PRKN: variants seen among roughly 807,000 people sequenced by gnomAD.
The protein encoded by PRKN is E3 ubiquitin-protein ligase parkin.
PRKN carries 56 observed loss-of-function variants against 59.5 expected under a neutral mutation model. The ratio of observed to expected loss-of-function variants is 0.94; its 90% CI spans 0.76 to 1.18. The LOEUF (loss-of-function observed/expected upper bound fraction) is 1.18. PRKN is among the 50% of genes most tolerant of loss of function. The pLI, the probability that PRKN is intolerant of heterozygous loss-of-function variation, is 0.00. For missense variants in PRKN, 657 were observed against 596.4 expected, an observed-to-expected ratio of 1.10 and a Z score of -1.06; for synonymous variants, 250 against 222.1, an observed-to-expected ratio of 1.13 and a Z score of -1.12.
At position 162,511,361 on chromosome 6, in the gene PRKN, G is replaced by A. The variant is rs569911770; in HGVS notation, c.8-67888C>T. On this transcript the variant is annotated intron_variant, in intron 1 of 11. Transcript: ENST00000366898. ...ATTCTAGATGTACATGTACCATATT[G>A]CCTTAAAGTGCAGTTTGTTTTACCT... is the stretch of plus-strand genomic sequence containing the variant. 1.7e-4 allele frequency among the ~76,000 whole-genome samples: 26 copies of A among 151,964 alleles called. No homozygotes were observed. In the South Asian group the frequency reaches 5.2e-3, roughly 30 times the overall value.
chr6:161,773,114 G>A (rs547370480), intron 7 of PRKN, among the ~76,000 whole-genome samples: 9 of 152,296 alleles, frequency 5.9e-5, no homozygotes, highest in South Asian at 2.1e-4. Context: ...GAGATCACAC[G>A]GAGGCTTCTG....
At chr6:161,477,378 G>A (rs1445371195) in intron 9 of PRKN, among the ~76,000 whole-genome samples, 3 of 151,964 alleles carry the variant, frequency 2.0e-5, no homozygotes, top group Admixed American at 6.6e-5. Context: ...TTATCCAGGC[G>A]TGGTGGCACA....
chr6:161,802,889 G>C (rs1791149595), intron 6 of PRKN, among the ~76,000 whole-genome samples: 1 of 152,076 alleles, frequency 6.6e-6, no homozygotes, highest in Admixed American at 6.5e-5. Context: ...TTGTAGGGTG[G>C]CTGAATATGT....
At chr6:162,667,705 G>C (rs549509884) in intron 1 of PRKN, among the ~76,000 whole-genome samples, 1 of 152,178 alleles carries the variant, frequency 6.6e-6, no homozygotes, top group East Asian at 1.9e-4. Flanking sequence ...ACAGGGCATA[G>C]TAAAGAACAT....
chr6:162,243,730 C>A (rs1216381401), intron 3 of PRKN, among the ~76,000 whole-genome samples: 1 of 152,050 alleles, frequency 6.6e-6, no homozygotes, highest in Non-Finnish European at 1.5e-5. Flanking sequence ...TTTTGACTAG[C>A]ATCAAATCCC....
intron 2 of PRKN, among the ~76,000 whole-genome samples, chr6:162,351,054 G>T (rs1299810736): frequency 6.6e-6 from 1 of 152,016 alleles, no homozygotes; most frequent in African/African-American, 2.4e-5. Flanking sequence ...TCCAAGCAAG[G>T]TGGCATGTGC....
rs182329346 is a variant in PRKN at position 162,311,837 on chromosome 6, A to G, written c.172-49072T>C. On this transcript the variant is annotated intron_variant, in intron 2 of 11. Coordinates refer to ENST00000366898, the MANE Select transcript of PRKN (RefSeq NM_004562.3). ...CCATTTATTTTCTATTCTTTGAGAC[A>G]ATTATTCCTCATGTTCCAATATTCT... Among the ~76,000 whole-genome samples, 42 of 151,916 alleles carry G rather than the reference A, an allele frequency of 2.8e-4. 1 individual carries two copies. Among genetic ancestry groups the G allele is most frequent in the African/African-American group, 9.2e-4 (38 of 41,346 alleles).
intron 2 of PRKN, among the ~76,000 whole-genome samples, chr6:162,395,311 G>A (rs1787421011): frequency 6.6e-6 from 1 of 152,160 alleles, no homozygotes; most frequent in South Asian, 2.1e-4. Context: ...GCTCATCCAG[G>A]GGAAGCCAGC....
At chr6:162,623,189 G>A (rs1782748133) in intron 1 of PRKN, among the ~76,000 whole-genome samples, 4 of 151,966 alleles carry the variant, frequency 2.6e-5, no homozygotes, top group Non-Finnish European at 5.9e-5. Flanking sequence ...GAATTCACTC[G>A]GTTTTATTTT....
intron 1 of PRKN, among the ~76,000 whole-genome samples, chr6:162,551,465 C>T (rs980088534): frequency 5.3e-5 from 8 of 152,206 alleles, no homozygotes. Context: ...GAATTGTTGT[C>T]AGTCTTCCTG....
At chr6:162,484,385 G>A (rs1012822969) in intron 1 of PRKN, among the ~76,000 whole-genome samples, 2 of 152,176 alleles carry the variant, frequency 1.3e-5, no homozygotes, top group Non-Finnish European at 2.9e-5. Flanking sequence ...GACAGACCCT[G>A]CATACATGCT....
At chr6:161,974,683 A>C (rs1036456744) in intron 5 of PRKN, among the ~76,000 whole-genome samples, 8 of 152,172 alleles carry the variant, frequency 5.3e-5, no homozygotes, top group African/African-American at 1.9e-4. Flanking sequence ...AAAAAAAAAT[A>C]CATATATTTT....
intron 1 of PRKN, among the ~76,000 whole-genome samples, chr6:162,457,842 C>G (rs756339483): frequency 9.2e-5 from 14 of 152,104 alleles, no homozygotes; most frequent in Non-Finnish European, 1.5e-4. Context: ...GGTTTGTGGC[C>G]GGGCGTGGTG....
At chr6:161,434,998 GC>G (rs1279911383) in intron 9 of PRKN, among the ~76,000 whole-genome samples, 1 of 152,146 alleles carries the variant, frequency 6.6e-6, no homozygotes, top group East Asian at 1.9e-4. Context: ...GAAAGCCTTT[GC>G]CCGGCATGAT....
In PRKN at chr6:162,185,585, TAGTG is replaced by T. The variant is rs1033570242; in HGVS notation, c.534+15542_534+15545del. On this transcript the variant is annotated intron_variant, in intron 4 of 11. Coordinates refer to ENST00000366898, the MANE Select transcript of PRKN (RefSeq NM_004562.3). ...AAATCTTTTTCCCTCCAGGAAAAAC[TAGTG>T]AGTAACAGCTTAGTCTAAATGACAG... Among the ~76,000 whole-genome samples the T allele has an allele frequency of 7.2e-5, 11 of 152,288 alleles. No individual in the cohort carries two copies. In the South Asian group the frequency reaches 2.3e-3, roughly 32 times the overall value.
chr6:161,747,547 C>T (rs1562652205), intron 7 of PRKN, among the ~76,000 whole-genome samples: 1 of 152,114 alleles, frequency 6.6e-6, no homozygotes, highest in Non-Finnish European at 1.5e-5. Flanking sequence ...TGTAGTGCAG[C>T]CAAATATTAA....
At chr6:162,562,802 T>C (rs1779896534) in intron 1 of PRKN, among the ~76,000 whole-genome samples, 1 of 152,174 alleles carries the variant, frequency 6.6e-6, no homozygotes, top group South Asian at 2.1e-4. Flanking sequence ...CTTTATCACC[T>C]ACTGATTATA....
chr6:162,511,001 A>T (rs1227198556), intron 1 of PRKN, among the ~76,000 whole-genome samples: 6 of 152,058 alleles, frequency 3.9e-5, no homozygotes, highest in Admixed American at 3.9e-4. Flanking sequence ...ATTTTCCTAC[A>T]TTTGGGAAGA....
At chr6:162,263,350 C>T in intron 2 of PRKN, 1 of 181,596 alleles carries the variant, frequency 5.5e-6, no homozygotes, top group South Asian at 1.1e-4. Flanking sequence ...AATGAGAGGG[C>T]ATTTCTTTAA....
Sources: allele counts gnomAD v4.1 joint callset (sites outside exome capture counted in the v4.1 genomes callset), GRCh38; gene constraint gnomAD v4.1.1; transcripts MANE v1.5; gene names NCBI Gene and HGNC (gene_info 2026-07-23, HGNC 2026-07-21).